The following WWOX variants were observed in gnomAD, a reference collection of about 807,000 sequenced individuals.
WWOX encodes the protein WW domain-containing oxidoreductase.
A neutral mutation model predicts 46.2 loss-of-function variants in WWOX; 69 were observed. The observed-to-expected ratio is 1.49, with a 90% CI of 1.23 to 1.82. The LOEUF (loss-of-function observed/expected upper bound fraction) is 1.82. WWOX is among the 40% of genes most tolerant of loss of function. The pLI is 0.00. For missense variants in WWOX, 919 were observed against 542.6 expected (o/e 1.69, Z -6.89); for synonymous variants, 359 against 202.6 (o/e 1.77, Z -6.56).
intron 8 of WWOX, among the ~76,000 whole-genome samples, chr16:79,078,646 C>A (rs1161105517): frequency 6.6e-6 from 1 of 152,180 alleles, no homozygotes; most frequent in Non-Finnish European, 1.5e-5. Flanking sequence ...ACTTCATAAG[C>A]ACTTGTTGAA....
intron 8 of WWOX, among the ~76,000 whole-genome samples, chr16:79,008,699 C>A (rs1224046788): frequency 2.0e-5 from 3 of 152,202 alleles, no homozygotes; most frequent in Non-Finnish European, 4.4e-5. Flanking sequence ...TCCCTTCACT[C>A]CCTCCAGCAC....
At chr16:78,537,719 T>C (rs2043793243) in intron 8 of WWOX, among the ~76,000 whole-genome samples, 1 of 152,062 alleles carries the variant, frequency 6.6e-6, no homozygotes, top group African/African-American at 2.4e-5. Flanking sequence ...CATGTAGGGG[T>C]AGACCAGTGC....
intron 8 of WWOX, among the ~76,000 whole-genome samples, chr16:78,743,134 C>G (rs1175865539): frequency 6.6e-6 from 1 of 152,062 alleles, no homozygotes; most frequent in Non-Finnish European, 1.5e-5. Context: ...GAGTGTCTTT[C>G]TCTGTGTGCT....
intron 8 of WWOX, among the ~76,000 whole-genome samples, chr16:78,530,196 C>T (rs1368343453): frequency 2.6e-5 from 4 of 152,148 alleles, no homozygotes; most frequent in Admixed American, 1.3e-4. Context: ...CCCCTGAAAC[C>T]CTAAAAGGAG....
intron 8 of WWOX, among the ~76,000 whole-genome samples, chr16:79,133,652 C>T (rs917519806): frequency 3.9e-5 from 6 of 152,148 alleles, no homozygotes; most frequent in African/African-American, 1.4e-4. Flanking sequence ...TATATTTCTG[C>T]TGTCCTTGCC....
chr16:79,105,455 C>T (rs1459083651), intron 8 of WWOX, among the ~76,000 whole-genome samples: 2 of 152,146 alleles, frequency 1.3e-5, no homozygotes, highest in Non-Finnish European at 2.9e-5. Context: ...TACACCCACA[C>T]CCATACCTAA....
intron 8 of WWOX, among the ~76,000 whole-genome samples, chr16:78,883,522 G>A (rs746137144): frequency 7.2e-5 from 11 of 152,022 alleles, no homozygotes; most frequent in African/African-American, 2.7e-4. Flanking sequence ...TCAGGAGTTC[G>A]AGACCAGCCT....
chr16:78,178,239 C>A (rs570489544), intron 5 of WWOX, among the ~76,000 whole-genome samples: 1 of 152,196 alleles, frequency 6.6e-6, no homozygotes, highest in Admixed American at 6.5e-5. Context: ...ACTGGTCCCC[C>A]GTCCCAGCAC....
intron 8 of WWOX, among the ~76,000 whole-genome samples, chr16:78,846,431 AT>A (rs953162600): frequency 6.6e-6 from 1 of 151,544 alleles, no homozygotes; most frequent in African/African-American, 2.4e-5. Context: ...CTCATGCATT[AT>A]TTTTTTTAAT....
chr16:78,764,135 C>T (rs975288392), intron 8 of WWOX, among the ~76,000 whole-genome samples: 3 of 152,096 alleles, frequency 2.0e-5, no homozygotes, highest in Admixed American at 1.3e-4. Context: ...CCACTTTTGC[C>T]GAAAAGTCAC....
chr16:78,677,634 C>A (rs573800999), intron 8 of WWOX, among the ~76,000 whole-genome samples: 17 of 152,306 alleles, frequency 1.1e-4, no homozygotes, highest in South Asian at 1.0e-3. Context: ...TTTTATGATA[C>A]CTGCCTGGGG....
chr16:78,539,214 C>G (rs200671328), intron 8 of WWOX, among the ~76,000 whole-genome samples: 1 of 152,154 alleles, frequency 6.6e-6, no homozygotes, highest in Non-Finnish European at 1.5e-5. Context: ...AATATGTGTT[C>G]AACTGAACTA....
At chr16:78,939,444 CA>C (rs2045808409) in intron 8 of WWOX, among the ~76,000 whole-genome samples, 1 of 152,140 alleles carries the variant, frequency 6.6e-6, no homozygotes, top group African/African-American at 2.4e-5. Context: ...TCACCAGTGG[CA>C]AATATGTATC....
intron 5 of WWOX, among the ~76,000 whole-genome samples, chr16:78,361,223 A>AT (rs2081404375): frequency 6.6e-6 from 1 of 152,126 alleles, no homozygotes; most frequent in Non-Finnish European, 1.5e-5. Flanking sequence ...GAGTGTAAGC[A>AT]TTTTTTGGCA....
intron 5 of WWOX, among the ~76,000 whole-genome samples, chr16:78,236,460 T>C (rs1170385719): frequency 2.6e-5 from 4 of 152,328 alleles, no homozygotes; most frequent in South Asian, 2.1e-4. Context: ...GGTCATTTCA[T>C]GGTTTGTCCT....
intron 8 of WWOX, among the ~76,000 whole-genome samples, chr16:79,107,195 C>T (rs997561098): frequency 1.3e-5 from 2 of 151,956 alleles, no homozygotes; most frequent in African/African-American, 4.8e-5. Context: ...CCCTTCTCCG[C>T]CTCCCAAAGT....
At chr16:78,742,596 C>T (rs563722109) in intron 8 of WWOX, among the ~76,000 whole-genome samples, 6 of 152,330 alleles carry the variant, frequency 3.9e-5, no homozygotes, top group Admixed American at 2.0e-4. Context: ...ATCCCCAGCG[C>T]ATCACGAGAA....
At chr16:78,953,026 AT>A (rs34067772) in intron 8 of WWOX, among the ~76,000 whole-genome samples, 2,522 of 147,566 alleles carry the variant, frequency 0.017, 35 homozygotes, top group Non-Finnish European at 0.025. Flanking sequence ...GCTTCCCTGG[AT>A]TTTTTTTTTT....
chr16:78,957,916 C>A (rs75438824), intron 8 of WWOX, among the ~76,000 whole-genome samples: 1,695 of 152,254 alleles, frequency 0.011, 26 homozygotes, highest in African/African-American at 0.038. Context: ...TTTGTTTGTG[C>A]AACAACTCAA....
Sources: gnomAD v4.1 joint callset for allele counts (sites outside exome capture counted in the v4.1 genomes callset) on GRCh38, gnomAD v4.1.1 for gene constraint, MANE v1.5 for transcripts, NCBI Gene and HGNC (gene_info 2026-07-23, HGNC 2026-07-21) for gene names.